MDGA2: variants seen among roughly 807,000 people sequenced by gnomAD.
MDGA2 encodes MAM domain containing glycosylphosphatidylinositol anchor 2.
A neutral mutation model predicts 117.8 loss-of-function variants in MDGA2; 40 were observed. That is an observed-to-expected ratio of 0.34 (90% confidence interval 0.26 to 0.44). The LOEUF (loss-of-function observed/expected upper bound fraction) is 0.44. Among genes scored for constraint, MDGA2 ranks in the 20% least tolerant of loss-of-function variants. The pLI is 1.00. For synonymous variants in MDGA2, 452 were observed against 439.0 expected, an observed-to-expected ratio of 1.03 and a Z score of -0.37; for missense variants, 1,123 against 1,250.6, an observed-to-expected ratio of 0.90 and a Z score of 1.54.
chr14:47,452,551 G>C (rs922452018), intron 1 of MDGA2, among the ~76,000 whole-genome samples: 11 of 152,026 alleles, frequency 7.2e-5, no homozygotes, highest in Non-Finnish European at 1.6e-4. Flanking sequence ...TCAACTATCA[G>C]ACATATAGTT....
intron 1 of MDGA2, among the ~76,000 whole-genome samples, chr14:47,655,906 T>C (rs971249927): frequency 1.3e-5 from 2 of 152,106 alleles, no homozygotes. Context: ...ACACATCCCA[T>C]GATATTAGAA....
intron 1 of MDGA2, among the ~76,000 whole-genome samples, chr14:47,654,557 T>C (rs539475918): frequency 6.6e-6 from 1 of 152,176 alleles, no homozygotes; most frequent in Non-Finnish European, 1.5e-5. Context: ...TCCAGTAGAA[T>C]CAGTAGAATA....
intron 1 of MDGA2, among the ~76,000 whole-genome samples, chr14:47,538,658 A>G (rs10139193): frequency 0.75 from 114,354 of 152,036 alleles, 43,416 homozygotes; most frequent in East Asian, 1. Context: ...TTCCATCATA[A>G]GTCTTACCAC....
chr14:47,611,729 G>T (rs1015229373), intron 1 of MDGA2, among the ~76,000 whole-genome samples: 1 of 152,064 alleles, frequency 6.6e-6, no homozygotes, highest in African/African-American at 2.4e-5. Flanking sequence ...CTGATGTTAC[G>T]TTTGAGATGT....
In MDGA2 at chr14:46,841,983, A is replaced by G. The variant is rs1427062539; in HGVS notation, c.3026T>C (p.Ile1009Thr). ...VDGAVGILVHIWLFPIIVLIS... is the reference protein window; with the variant it reads ...VDGAVGILVHTWLFPIIVLIS... ...GAGGACGATAATGGGAAAAAGCCAT[A>G]TATGAACCAAAATCCCAACAGCACC... The change falls in exon 17 of 17, where the codon ATA becomes ACA. Residue 1009 changes from isoleucine to threonine, a missense_variant. This residue lies in a region of MDGA2 where 890 missense variants were observed against 1,050.3 expected (regional missense o/e 0.85). Transcript: ENST00000399232. 2 of 1,612,816 alleles carry G rather than the reference A, an allele frequency of 1.2e-6. No individual in the cohort carries two copies. The highest frequency in any genetic ancestry group is 1.7e-6 in the Non-Finnish European group (2 of 1,179,144).
intron 14 of MDGA2, among the ~76,000 whole-genome samples, chr14:46,865,423 C>T (rs1261386122): frequency 6.6e-6 from 1 of 152,140 alleles, no homozygotes; most frequent in African/African-American, 2.4e-5. Context: ...GACAAACCCA[C>T]AGCCAATATC....
At chr14:47,072,795 C>T (rs1890341966) in intron 6 of MDGA2, among the ~76,000 whole-genome samples, 1 of 152,102 alleles carries the variant, frequency 6.6e-6, no homozygotes, top group Admixed American at 6.6e-5. Context: ...AGGGCTCGAA[C>T]AGAGAAGGCA....
At chr14:47,156,963 T>C (rs750838316) in intron 3 of MDGA2, among the ~76,000 whole-genome samples, 2 of 152,200 alleles carry the variant, frequency 1.3e-5, no homozygotes, top group Non-Finnish European at 2.9e-5. Flanking sequence ...TATGCATATG[T>C]CTGTCAATGA....
Position 47,053,826 on chromosome 14 carries a change from C to T in MDGA2, c.1525+7423G>A, listed in dbSNP as rs540100489. 4.0e-5 allele frequency among the ~76,000 whole-genome samples: 6 copies of T among 151,786 alleles called. No homozygotes were observed. In the South Asian group the frequency reaches 6.2e-4, roughly 16 times the overall value. On this transcript the variant is annotated intron_variant, in intron 7 of 16. Coordinates refer to ENST00000399232, the MANE Select transcript of MDGA2 (RefSeq NM_001113498.3). ...GAGTAAAATTCTCTGCTGGTTATTT[C>T]GCTTCTCTCTGCAGTTCAGTAGCAC...
intron 10 of MDGA2, among the ~76,000 whole-genome samples, chr14:46,890,091 G>C (rs1224070528): frequency 6.6e-6 from 1 of 151,904 alleles, no homozygotes; most frequent in African/African-American, 2.4e-5. Flanking sequence ...CTGACATAAA[G>C]CATTTCAGAA....
chr14:47,581,994 C>A (rs770562412), intron 1 of MDGA2, among the ~76,000 whole-genome samples: 2 of 151,858 alleles, frequency 1.3e-5, no homozygotes, highest in African/African-American at 2.4e-5. Context: ...TTAACTTCTG[C>A]AAGCTTATTC....
chr14:47,547,069 A>G (rs2138768453), intron 1 of MDGA2, among the ~76,000 whole-genome samples: 1 of 152,332 alleles, frequency 6.6e-6, no homozygotes, highest in Non-Finnish European at 1.5e-5. Flanking sequence ...AGGCCCATTC[A>G]GTTTTTAATG....
At chr14:47,287,810 T>G (rs1466378453) in intron 2 of MDGA2, among the ~76,000 whole-genome samples, 3 of 152,146 alleles carry the variant, frequency 2.0e-5, no homozygotes, top group Admixed American at 6.6e-5. Flanking sequence ...ATGAGGATAC[T>G]GGAATAGAGT....
At chr14:47,176,988 G>C (rs920756578) in intron 3 of MDGA2, among the ~76,000 whole-genome samples, 1 of 151,996 alleles carries the variant, frequency 6.6e-6, no homozygotes, top group Admixed American at 6.5e-5. Context: ...AAAAGTGGGC[G>C]AAGGACATGA....
chr14:47,439,266 T>C (rs1892955273), intron 1 of MDGA2, among the ~76,000 whole-genome samples: 1 of 152,142 alleles, frequency 6.6e-6, no homozygotes, highest in Non-Finnish European at 1.5e-5. Flanking sequence ...AAATGAACCA[T>C]GATATAAATA....
intron 9 of MDGA2, among the ~76,000 whole-genome samples, chr14:46,935,856 G>C (rs920670479): frequency 1.3e-5 from 2 of 152,114 alleles, no homozygotes; most frequent in African/African-American, 4.8e-5. Flanking sequence ...GTTGGGAGAA[G>C]TTGCGACACT....
In MDGA2 at chr14:47,038,049, C is replaced by T. The variant is rs934886495; in HGVS notation, c.1526-2745G>A. 2.6e-5 allele frequency among the ~76,000 whole-genome samples: 4 copies of T among 152,266 alleles called. No homozygotes were observed. In the East Asian group the frequency reaches 5.8e-4, roughly 22 times the overall value. On this transcript the variant is annotated intron_variant, in intron 7 of 16. Coordinates refer to ENST00000399232, the MANE Select transcript of MDGA2 (RefSeq NM_001113498.3). ...GGTTCAAGTGATTGTTCTGCCTCAG[C>T]CTCCTGAGTAGCTGGGATTACAGGT... is the stretch of plus-strand genomic sequence containing the variant.
intron 1 of MDGA2, among the ~76,000 whole-genome samples, chr14:47,508,718 C>T (rs916987676): frequency 3.3e-5 from 5 of 152,080 alleles, no homozygotes; most frequent in African/African-American, 7.2e-5. Context: ...CTCACACTGT[C>T]GCCCAGGCTG....
At chr14:47,311,889 T>G (rs901186252) in intron 1 of MDGA2, among the ~76,000 whole-genome samples, 1 of 152,086 alleles carries the variant, frequency 6.6e-6, no homozygotes, top group African/African-American at 2.4e-5. Flanking sequence ...TGCATTCCCA[T>G]TTTTAAAAGT....
Sources: allele counts gnomAD v4.1 joint callset (sites outside exome capture counted in the v4.1 genomes callset), GRCh38; gene constraint gnomAD v4.1.1; regional missense constraint gnomAD v4.1.1; transcripts MANE v1.5; gene names NCBI Gene and HGNC (gene_info 2026-07-23, HGNC 2026-07-21).